The following MAN1C1 variants were observed in gnomAD, a reference collection of about 807,000 sequenced individuals.
MAN1C1 encodes the protein mannosyl-oligosaccharide 1,2-alpha-mannosidase IC.
MAN1C1 carries 49 observed loss-of-function variants against 71.5 expected under a neutral mutation model. The observed-to-expected ratio is 0.69, with a 90% CI of 0.54 to 0.87. The LOEUF is 0.87. Among genes scored for constraint, MAN1C1 ranks in the 40% least tolerant of loss-of-function variants. The pLI is 0.00. For synonymous variants in MAN1C1, 352 were observed against 343.7 expected, an observed-to-expected ratio of 1.02 and a Z score of -0.27; for missense variants, 743 against 835.0, an observed-to-expected ratio of 0.89 and a Z score of 1.36.
At chr1:25,743,805 C>A (rs1447619728) in intron 2 of MAN1C1, among the ~76,000 whole-genome samples, 3 of 152,236 alleles carry the variant, frequency 2.0e-5, no homozygotes, top group African/African-American at 7.2e-5. Flanking sequence ...AGAAATCAGA[C>A]ACTGCGGCTG....
At chr1:25,637,032 G>A (rs2045471831) in intron 1 of MAN1C1, among the ~76,000 whole-genome samples, 1 of 152,120 alleles carries the variant, frequency 6.6e-6, no homozygotes, top group African/African-American at 2.4e-5. Flanking sequence ...GCATGTGCCT[G>A]TAATCCCAGC....
chr1:25,676,955 C>T (rs867387214), intron 1 of MAN1C1, among the ~76,000 whole-genome samples: 1 of 152,200 alleles, frequency 6.6e-6, no homozygotes, highest in Non-Finnish European at 1.5e-5. Flanking sequence ...GTCCTCCCCT[C>T]CTCTAATGCA....
chr1:25,704,427 A>G (rs1003062913), intron 2 of MAN1C1, among the ~76,000 whole-genome samples: 4 of 152,244 alleles, frequency 2.6e-5, no homozygotes, highest in African/African-American at 9.6e-5. Flanking sequence ...CAGCAGGACC[A>G]TGTGGCTCCC....
intron 1 of MAN1C1, among the ~76,000 whole-genome samples, chr1:25,637,038 C>T (rs182966746): frequency 7.4e-4 from 112 of 152,184 alleles, no homozygotes; most frequent in Middle Eastern, 3.4e-3. Context: ...GCCTGTAATC[C>T]CAGCTACTTG....
chr1:25,627,146 C>A (rs2045307268), intron 1 of MAN1C1, among the ~76,000 whole-genome samples: 1 of 152,192 alleles, frequency 6.6e-6, no homozygotes, highest in Non-Finnish European at 1.5e-5. Context: ...CCTTTCCCTG[C>A]TGAATTGCTT....
Position 25,749,296 on chromosome 1 carries a change from C to A in MAN1C1, c.795C>A (p.Ile265=). The change falls in exon 4 of 12, where the codon ATC becomes ATA. Residue 265 remains isoleucine (I), a synonymous_variant. Coordinates refer to ENST00000374332, the MANE Select transcript of MAN1C1 (RefSeq NM_020379.4). ...TGTTTGAGGTGAACATCCGCTACATCGGGGGACTCCTCTCAGCCTTCTACC... is the reference window on the plus strand; with the variant it reads ...TGTTTGAGGTGAACATCCGCTACATAGGGGGACTCCTCTCAGCCTTCTACC... ...ASLFEVNIRY[I]GGLLSAFYLT... is the part of the protein sequence containing the mutation. The A allele has an allele frequency of 1.2e-6, 2 of 1,612,408 alleles. No homozygotes were observed. The highest frequency in any genetic ancestry group is 1.7e-6 in the Non-Finnish European group (2 of 1,179,216).
At chr1:25,704,093 C>G (rs1403721576) in intron 2 of MAN1C1, among the ~76,000 whole-genome samples, 1 of 152,192 alleles carries the variant, frequency 6.6e-6, no homozygotes, top group Non-Finnish European at 1.5e-5. Flanking sequence ...TCTCCCTGAT[C>G]AATAGCAACC....
intron 1 of MAN1C1, among the ~76,000 whole-genome samples, chr1:25,676,146 C>G (rs556097917): frequency 2.0e-5 from 3 of 152,314 alleles, no homozygotes; most frequent in South Asian, 4.1e-4. Context: ...GCCTTAGAAA[C>G]AGCTGCAGAC....
At chr1:25,679,177 G>T (rs1172826433) in intron 1 of MAN1C1, among the ~76,000 whole-genome samples, 1 of 152,210 alleles carries the variant, frequency 6.6e-6, no homozygotes, top group Non-Finnish European at 1.5e-5. Flanking sequence ...CGGGCATGAG[G>T]GCTGAAGCCT....
chr1:25,653,142 A>G (rs1303932884), intron 1 of MAN1C1, among the ~76,000 whole-genome samples: 1 of 151,516 alleles, frequency 6.6e-6, no homozygotes, highest in Non-Finnish European at 1.5e-5. Context: ...CAGTGGCACA[A>G]TCTAAGCTCG....
chr1:25,721,423 T>G (rs2046765362), intron 2 of MAN1C1, among the ~76,000 whole-genome samples: 1 of 152,240 alleles, frequency 6.6e-6, no homozygotes, highest in African/African-American at 2.4e-5. Flanking sequence ...GAATATGAAA[T>G]GTCTTTCCAT....
intron 1 of MAN1C1, chr1:25,654,130 T>G (rs1243822541): frequency 6.6e-6 from 1 of 152,330 alleles, no homozygotes; most frequent in Non-Finnish European, 1.5e-5. Context: ...TGGGTCAGCC[T>G]GGGCCCTTCA....
intron 2 of MAN1C1, among the ~76,000 whole-genome samples, chr1:25,708,311 TATAA>T (rs940870794): frequency 2.8e-4 from 43 of 152,238 alleles, no homozygotes; most frequent in African/African-American, 1.0e-3. Flanking sequence ...CCATGGCATT[TATAA>T]ATAGTCATGG....
At chr1:25,627,578 C>T (rs1398802945) in intron 1 of MAN1C1, among the ~76,000 whole-genome samples, 1 of 152,156 alleles carries the variant, frequency 6.6e-6, no homozygotes, top group Non-Finnish European at 1.5e-5. Context: ...CCCAGCCAAT[C>T]CATGCTTTCT....
chr1:25,746,724 C>G lies in MAN1C1; in HGVS notation c.694C>G (p.Leu232Val). The change falls in exon 3 of 12, where the codon CTG (leucine) becomes GTG (valine). Residue 232 changes from leucine to valine, a missense_variant. Transcript: ENST00000374332. This position sits in a 1 kb window ranked among gnomAD's most constrained non-coding sequence, Gnocchi z 4.0. ...DSLDTLYLME[L>V]KEEFQEAKAW... ...CCTCGATACCCTCTACCTCATGGAG[C>G]TGAAGGAGGAGTTCCAGGAGGCCAA... 3 of 1,613,038 alleles carry G rather than the reference C, an allele frequency of 1.9e-6. No homozygotes were observed. Among genetic ancestry groups the G allele is most frequent in the Non-Finnish European group, 2.5e-6 (3 of 1,179,848 alleles).
intron 1 of MAN1C1, among the ~76,000 whole-genome samples, chr1:25,625,159 C>G (rs973944731): frequency 1.3e-5 from 2 of 151,976 alleles, no homozygotes; most frequent in Non-Finnish European, 2.9e-5. Flanking sequence ...GCACCTGCCA[C>G]CATGCCCAGC....
intron 1 of MAN1C1, among the ~76,000 whole-genome samples, chr1:25,667,864 TGAAAA>T (rs1012565620): frequency 5.3e-5 from 8 of 151,856 alleles, no homozygotes; most frequent in Admixed American, 6.6e-5. Flanking sequence ...CCTGGAAAAA[TGAAAA>T]GAAAACCCAC....
At chr1:25,666,444 T>C (rs7518512) in intron 1 of MAN1C1, among the ~76,000 whole-genome samples, 11,704 of 152,206 alleles carry the variant, frequency 0.077, 1,504 homozygotes, top group African/African-American at 0.26. Flanking sequence ...CACACATCTT[T>C]CTCAGGTTCA....
chr1:25,665,532 G>A lies in MAN1C1; in HGVS notation c.541-20908G>A, dbSNP rs138389596. 9.9e-4 allele frequency among the ~76,000 whole-genome samples: 151 copies of A among 152,270 alleles called. 1 individual carries two copies. Among genetic ancestry groups the A allele is most frequent in the African/African-American group, 3.4e-3 (141 of 41,554 alleles). On this transcript the variant is annotated intron_variant, in intron 1 of 11. Transcript: ENST00000374332. ...TCTGCCATCATCTTTGGATAACGCT[G>A]TGTCCCATTACAGACCAATCTCTGC...
Sources: gnomAD v4.1 joint callset for allele counts (sites outside exome capture counted in the v4.1 genomes callset) on GRCh38, gnomAD v4.1.1 for gene constraint, Gnocchi (gnomAD v3.1) non-coding constraint, MANE v1.5 for transcripts, NCBI Gene and HGNC (gene_info 2026-07-23, HGNC 2026-07-21) for gene names.